PZP: variants seen among roughly 807,000 people sequenced by gnomAD.
The protein encoded by PZP is pregnancy zone protein.
Under a neutral mutation model 179.8 loss-of-function variants are expected in PZP, and 150 were observed. The observed-to-expected ratio is 0.83, with a 90% CI of 0.73 to 0.96. The LOEUF is 0.96. Among genes scored for constraint, PZP ranks in the 40% least tolerant of loss-of-function variants. The probability of loss-of-function intolerance (pLI) is 0.00; values close to 1 mark genes in which losing one functional copy is unlikely to be tolerated. For missense variants in PZP, 1,689 were observed against 1,764.0 expected (o/e 0.96, Z 0.76); for synonymous variants, 624 against 652.3 (o/e 0.96, Z 0.66).
intron 15 of PZP, among the ~76,000 whole-genome samples, chr12:9,178,520 T>C (rs1565645932): frequency 6.6e-6 from 1 of 152,122 alleles, no homozygotes. Flanking sequence ...GTTCCCCACT[T>C]GATAAGGAAA....
At position 9,192,717 on chromosome 12, in the gene PZP, A is replaced by C; in HGVS notation, c.1277T>G (p.Leu426Trp). 6.2e-7 allele frequency: 1 copy of C among 1,612,056 alleles called. No individual in the cohort carries two copies. The highest frequency in any genetic ancestry group is 8.5e-7 in the Non-Finnish European group (1 of 1,178,136). ...TGCTACCCATGAATAGTGAAAACAC[A>C]AGTTGGGATGCACAGTGAAAACCTG... ...FVRVFTVHPN[L>W]CFHYSWVAED... The change falls in exon 12 of 36, where the codon TTG becomes TGG. Residue 426 changes from leucine to tryptophan, a missense_variant. Leu to Trp is a moderately conservative substitution (Grantham distance 61). This residue lies in a region of PZP where 742 missense variants were observed against 730.5 expected (regional missense o/e 1.02). Transcript: ENST00000261336.
chr12:9,201,060 T>C lies in PZP; in HGVS notation c.502A>G (p.Asn168Asp). Residue 168 changes from asparagine to aspartate, a missense_variant and splice_region_variant, in exon 6 of 36, where the codon AAC (asparagine) becomes GAC (aspartate). Transcript: ENST00000261336. ...TGTGCAATTCGATTTCTTCTTGGGT[T>C]CTGAAGGGAAACAAGAAACATGGGC... is the stretch of plus-strand genomic sequence containing the variant. ...NELIPLIYLE[N>D]PRRNRIAQWQ... The C allele has an allele frequency of 6.2e-7, 1 of 1,613,836 alleles. No homozygotes were observed. The highest frequency in any genetic ancestry group is 1.1e-5 in the South Asian group (1 of 91,018).
intron 13 of PZP, among the ~76,000 whole-genome samples, chr12:9,186,638 T>G (rs1168535895): frequency 6.6e-6 from 1 of 151,482 alleles, no homozygotes; most frequent in African/African-American, 2.4e-5. Context: ...AAAGAAAATG[T>G]GGCACATATA....
In PZP at chr12:9,152,818, T is replaced by A; in HGVS notation, c.4121+6A>T. The A allele has an allele frequency of 6.2e-7, 1 of 1,614,022 alleles. No homozygotes were observed. Among genetic ancestry groups the A allele is most frequent in the African/African-American group, 1.3e-5 (1 of 75,052 alleles). ...AAAGATAGGTGATTAGGTTAGAACGTCTTACCTGATGGTCAGTGAGATCTG... is the reference window on the plus strand; with the variant it reads ...AAAGATAGGTGATTAGGTTAGAACGACTTACCTGATGGTCAGTGAGATCTG... On this transcript the variant is annotated splice_donor_region_variant and intron_variant, in intron 31 of 35. Coordinates refer to ENST00000261336, the MANE Select transcript of PZP (RefSeq NM_002864.3).
chr12:9,156,193 C>T, intron 28 of PZP: 1 of 207,088 alleles, frequency 4.8e-6, no homozygotes. Flanking sequence ...TTTGTGAAGT[C>T]AGTTCCTGCA....
In PZP at chr12:9,157,287, A is replaced by C. The variant is rs750412335; in HGVS notation, c.3438T>G (p.His1146Gln). 1.9e-6 allele frequency: 3 copies of C among 1,613,976 alleles called. No individual in the cohort carries two copies. The Admixed American group carries it at 5.0e-5, about 27-fold the overall frequency. The change falls in exon 28 of 36, where the codon CAT becomes CAG. Residue 1146 changes from histidine to glutamine, a missense_variant. His to Gln is a conservative substitution (Grantham distance 24, BLOSUM62 0). Around this residue, in one of 3 missense-constraint regions of PZP, gnomAD observed 746 missense variants for 749.2 expected, o/e 1.00. Coordinates refer to ENST00000261336, the MANE Select transcript of PZP (RefSeq NM_002864.3). ...SAWNVAKEGT[H>Q]GSHVYTKALL... ...ATGCCTTGGTGTAGACATGGCTCCC[A>C]TGGGTCCCCTCCTTTGCTACATTCC... is the stretch of plus-strand genomic sequence containing the variant.
At chr12:9,158,752 C>CTTTTTTTTTTTTTTTTTTTTTTTTT (rs200458490) in intron 25 of PZP, among the ~76,000 whole-genome samples, 176 bp from the exon 26 acceptor site, 1 of 97,818 alleles carries the variant, frequency 1.0e-5, no homozygotes, top group Admixed American at 1.3e-4. Flanking sequence ...TTTTTCTTTT[C>CTTTTTTTTTTTTTTTTTTTTTTTTT]TTTTCTTTTT....
chr12:9,178,155 A>G (rs1017125629), intron 15 of PZP, among the ~76,000 whole-genome samples: 3 of 152,176 alleles, frequency 2.0e-5, no homozygotes, highest in Non-Finnish European at 4.4e-5. Flanking sequence ...CAAGATTTCC[A>G]TTATCTGTGG....
At chr12:9,196,165 G>A (rs989554674) in intron 10 of PZP, among the ~76,000 whole-genome samples, 165 bp downstream of exon 10, 2 of 152,084 alleles carry the variant, frequency 1.3e-5, no homozygotes, top group African/African-American at 4.8e-5. Flanking sequence ...GTGTCTGTTT[G>A]TTTCATCAGT....
Position 9,201,073 on chromosome 12 carries a change from A to G in PZP, c.502-13T>C. ...TTCTTCTTGGGTTCTGAAGGGAAACAAGAAACATGGGCGGTAATCATTTAG... is the reference window on the plus strand; with the variant it reads ...TTCTTCTTGGGTTCTGAAGGGAAACGAGAAACATGGGCGGTAATCATTTAG... On this transcript the variant is annotated splice_polypyrimidine_tract_variant and intron_variant, in intron 5 of 35. Transcript: ENST00000261336. The G allele has an allele frequency of 6.2e-7, 1 of 1,613,564 alleles. No homozygotes were observed.
rs1941932372 is a variant in PZP at position 9,170,685 on chromosome 12, A to G, written c.1840-1094T>C. Among the ~76,000 whole-genome samples the G allele has an allele frequency of 1.3e-5, 2 of 152,100 alleles. No homozygotes were observed. Among genetic ancestry groups the G allele is most frequent in the South Asian group, 4.1e-4 (2 of 4,826 alleles). ...GGCTTGGGGAATACAGATGGTCTGG[A>G]TGAGGAACGGTCCCCCACGATGCAG... On this transcript the variant is annotated intron_variant, in intron 15 of 35. Coordinates refer to ENST00000261336, the MANE Select transcript of PZP (RefSeq NM_002864.3). This position sits in a 1 kb window ranked among gnomAD's most constrained non-coding sequence, Gnocchi z 4.6.
At chr12:9,157,429 C>A in intron 27 of PZP, 74 bp from the exon 28 acceptor site, 1 of 1,365,632 alleles carries the variant, frequency 7.3e-7, no homozygotes, top group East Asian at 2.3e-5. Flanking sequence ...TGGATATTGA[C>A]AGTCAGATGT....
intron 13 of PZP, among the ~76,000 whole-genome samples, chr12:9,182,841 T>A (rs1177388809): frequency 6.6e-6 from 1 of 152,234 alleles, no homozygotes; most frequent in Non-Finnish European, 1.5e-5. Flanking sequence ...AGAGACTTAA[T>A]GACTGAAAAG....
At chr12:9,168,107 A>G (rs2120790635) in intron 17 of PZP, among the ~76,000 whole-genome samples, 1 of 152,240 alleles carries the variant, frequency 6.6e-6, no homozygotes, top group Admixed American at 6.5e-5. Flanking sequence ...AAAGTTCTTA[A>G]TTTGTGTTGG....
intron 15 of PZP, among the ~76,000 whole-genome samples, chr12:9,179,026 T>C (rs567935889): frequency 1.3e-5 from 2 of 152,218 alleles, no homozygotes; most frequent in Non-Finnish European, 2.9e-5. Context: ...GATAAGTTGA[T>C]TGACCCTTTT....
At chr12:9,172,836 A>T (rs1942090710) in intron 15 of PZP, among the ~76,000 whole-genome samples, 1 of 152,224 alleles carries the variant, frequency 6.6e-6, no homozygotes, top group South Asian at 2.1e-4. Flanking sequence ...GCAAGTTCTT[A>T]TATACCTACA....
chr12:9,163,161 GGA>G (rs1941335987), intron 21 of PZP, among the ~76,000 whole-genome samples: 2 of 151,888 alleles, frequency 1.3e-5, no homozygotes, highest in Non-Finnish European at 2.9e-5. Context: ...GTGAATCTTA[GGA>G]GAGAGGTGGA....
rs960313599 is a variant in PZP at position 9,160,191 on chromosome 12, G to C, written c.3049+123C>G. 1.1e-5 allele frequency: 12 copies of C among 1,102,518 alleles called. No homozygotes were observed. The African/African-American group carries it at 1.4e-4, about 13-fold the overall frequency. The allele number at this position is 1,102,518 out of a possible 1,614,324, so 68.3% of individuals were successfully genotyped here. ...ATCAAACACAACATCCTATTAGAGTGTGGGAAGATTGTTGTTTTCATAAAA... is the reference window on the plus strand; with the variant it reads ...ATCAAACACAACATCCTATTAGAGTCTGGGAAGATTGTTGTTTTCATAAAA... On this transcript the variant is annotated intron_variant, in intron 24 of 35. Transcript: ENST00000261336.
intron 4 of PZP, among the ~76,000 whole-genome samples, chr12:9,201,726 C>T (rs754738324): frequency 5.5e-4 from 83 of 152,148 alleles, no homozygotes; most frequent in African/African-American, 1.8e-3. Flanking sequence ...TTAGACCTAA[C>T]AGAAATAGAA....
Sources: gnomAD v4.1 joint callset for allele counts (sites outside exome capture counted in the v4.1 genomes callset) on GRCh38, gnomAD v4.1.1 for gene constraint, gnomAD v4.1.1 regional missense constraint, Gnocchi (gnomAD v3.1) non-coding constraint, MANE v1.5 for transcripts, NCBI Gene and HGNC (gene_info 2026-07-23, HGNC 2026-07-21) for gene names.